The following THSD7B variants were observed in gnomAD, a reference collection of about 807,000 sequenced individuals.
THSD7B encodes thrombospondin type-1 domain-containing protein 7B.
A neutral mutation model predicts 213.6 loss-of-function variants in THSD7B; 138 were observed. The observed-to-expected ratio is 0.65, with a 90% CI of 0.56 to 0.74. The LOEUF (loss-of-function observed/expected upper bound fraction) is 0.74. Ranked by LOEUF, THSD7B falls within the 30% of genes least tolerant of loss-of-function variation. The pLI, the probability that THSD7B is intolerant of heterozygous loss-of-function variation, is 0.00. For synonymous variants in THSD7B, 742 were observed against 687.0 expected (o/e 1.08, Z -1.25); for missense variants, 1,931 against 1,991.5 (o/e 0.97, Z 0.58).
At chr2:137,565,071 G>C (rs940595999) in intron 16 of THSD7B, among the ~76,000 whole-genome samples, 2 of 152,200 alleles carry the variant, frequency 1.3e-5, no homozygotes, top group Admixed American at 1.3e-4. Flanking sequence ...ACCATGTGAA[G>C]ACAGGGAGAA....
chr2:136,862,979 A>G (rs143476269), intron 1 of THSD7B, among the ~76,000 whole-genome samples: 264 of 152,244 alleles, frequency 1.7e-3, no homozygotes, highest in Non-Finnish European at 2.5e-3. Flanking sequence ...GACTCAACCT[A>G]TTGCTTACGC....
At chr2:137,554,957 C>A (rs942683590) in intron 15 of THSD7B, among the ~76,000 whole-genome samples, 4 of 152,322 alleles carry the variant, frequency 2.6e-5, no homozygotes, top group Middle Eastern at 3.4e-3. Context: ...GCTAGCACAG[C>A]AGTCTGAGAT....
chr2:137,439,223 C>T (rs1366043038), intron 14 of THSD7B, among the ~76,000 whole-genome samples: 2 of 152,042 alleles, frequency 1.3e-5, no homozygotes, highest in African/African-American at 4.8e-5. Context: ...TTTGATACAG[C>T]AGTTCTAGAA....
chr2:137,405,878 G>A (rs2105005302), intron 13 of THSD7B, 71 bp downstream of exon 13: 1 of 1,381,160 alleles, frequency 7.2e-7, no homozygotes, highest in Non-Finnish European at 9.7e-7. Context: ...TAGAATATGA[G>A]GTCCAAAGGA....
intron 1 of THSD7B, among the ~76,000 whole-genome samples, chr2:136,824,178 C>T (rs928438032): frequency 7.2e-5 from 11 of 151,974 alleles, no homozygotes; most frequent in African/African-American, 2.7e-4. Context: ...TGCTTTAGAC[C>T]AATGCTTTGT....
rs578078836 is a variant in THSD7B, at chr2:137,314,334, T to C, written c.2500+38308T>C. 2.0e-4 allele frequency among the ~76,000 whole-genome samples: 30 copies of C among 152,376 alleles called. No individual in the cohort carries two copies. The East Asian group carries it at 5.4e-3, about 27-fold the overall frequency. On this transcript the variant is annotated intron_variant, in intron 12 of 27. Transcript: ENST00000409968. ...GGCTTCTGCATTCTTCACGTAGTTC[T>C]TGAGCCTTGGTTTTCAGCTCCGTCA...
chr2:136,896,214 T>A lies in THSD7B; in HGVS notation c.139+13897T>A, dbSNP rs181849766. 7.0e-4 allele frequency among the ~76,000 whole-genome samples: 106 copies of A among 152,346 alleles called. 1 individual carries two copies. Among genetic ancestry groups the A allele is most frequent in the Non-Finnish European group, 1.1e-3 (74 of 68,024 alleles). On this transcript the variant is annotated intron_variant, in intron 2 of 27. Coordinates refer to ENST00000409968, the MANE Select transcript of THSD7B (RefSeq NM_001316349.2). Reference sequence around the variant, plus strand: ...GCCATCAGTGATATATGAGAGTCCCTGTTTCCCCACATTCTTGCTAATATT... The same window carrying A: ...GCCATCAGTGATATATGAGAGTCCCAGTTTCCCCACATTCTTGCTAATATT...
chr2:137,153,187 T>C (rs972323245), intron 5 of THSD7B, among the ~76,000 whole-genome samples: 4 of 152,198 alleles, frequency 2.6e-5, no homozygotes, highest in East Asian at 3.8e-4. Flanking sequence ...GATTTCTTTC[T>C]AAAATTATAT....
intron 3 of THSD7B, among the ~76,000 whole-genome samples, chr2:137,078,712 C>T (rs535587902): frequency 3.3e-5 from 5 of 151,860 alleles, no homozygotes; most frequent in Middle Eastern, 3.4e-3. Context: ...CATTTATTTT[C>T]GTGTGCCTGA....
chr2:137,062,989 A>G (rs1163728510), intron 3 of THSD7B, among the ~76,000 whole-genome samples: 1 of 151,878 alleles, frequency 6.6e-6, no homozygotes, highest in Non-Finnish European at 1.5e-5. Context: ...CTGTTGTTAG[A>G]TAATACATAT....
intron 2 of THSD7B, among the ~76,000 whole-genome samples, chr2:136,955,158 A>G (rs1245457805): frequency 6.6e-6 from 1 of 152,176 alleles, no homozygotes; most frequent in Middle Eastern, 3.2e-3. Flanking sequence ...CAGTTCGGGG[A>G]ACTCTGCTTT....
chr2:136,823,668 C>T (rs1682599611), intron 1 of THSD7B, among the ~76,000 whole-genome samples: 1 of 152,130 alleles, frequency 6.6e-6, no homozygotes. Context: ...ATTACTTGGG[C>T]AGCACTTTCT....
intron 12 of THSD7B, among the ~76,000 whole-genome samples, chr2:137,312,043 C>T (rs1282352484): frequency 1.3e-5 from 2 of 149,986 alleles, no homozygotes; most frequent in Non-Finnish European, 3.0e-5. Flanking sequence ...GGAGAATTCC[C>T]TCTTTTTCTG....
chr2:137,492,727 C>G lies in THSD7B; in HGVS notation c.3138+41704C>G, dbSNP rs187824440. The stretch of plus-strand genomic sequence containing the variant: ...GAATTAGATGATTTATCTAAAGCAC[C>G]ACACATAGTATTTGGCATAAATTAG... On this transcript the variant is annotated intron_variant, in intron 15 of 27. Transcript: ENST00000409968. Among the ~76,000 whole-genome samples, 97 of 152,180 alleles carry G rather than the reference C, an allele frequency of 6.4e-4. 1 individual carries two copies. Among genetic ancestry groups the G allele is most frequent in the African/African-American group, 2.0e-3 (85 of 41,510 alleles).
At position 136,969,524 on chromosome 2, in the gene THSD7B, C is replaced by T. The variant is rs78721198; in HGVS notation, c.140-86896C>T. Among the ~76,000 whole-genome samples, 78 of 152,256 alleles carry T rather than the reference C, an allele frequency of 5.1e-4. No homozygotes were observed. In the East Asian group the frequency reaches 0.014, roughly 28 times the overall value. On this transcript the variant is annotated intron_variant, in intron 2 of 27. Transcript: ENST00000409968. ...AATCTCGAAAATATTTTTTGAATGA[C>T]TTCATTAATCAATTCATCCTATGTA...
chr2:137,074,981 G>T (rs1347195938), intron 3 of THSD7B, among the ~76,000 whole-genome samples: 1 of 152,160 alleles, frequency 6.6e-6, no homozygotes, highest in Non-Finnish European at 1.5e-5. Flanking sequence ...GCTTCCCTTT[G>T]TGAGTAACCC....
At chr2:136,917,977 G>A (rs1684375323) in intron 2 of THSD7B, among the ~76,000 whole-genome samples, 2 of 152,162 alleles carry the variant, frequency 1.3e-5, no homozygotes, top group South Asian at 4.1e-4. Context: ...GTAACTAGTT[G>A]TAATCTGAGG....
intron 10 of THSD7B, among the ~76,000 whole-genome samples, chr2:137,266,024 G>A (rs1012784736): frequency 5.9e-5 from 9 of 152,170 alleles, no homozygotes; most frequent in African/African-American, 2.2e-4. Context: ...GCTCCTAGAT[G>A]TACAAAACAG....
At chr2:137,583,879 T>C (rs1001192726) in intron 17 of THSD7B, among the ~76,000 whole-genome samples, 1 of 152,196 alleles carries the variant, frequency 6.6e-6, no homozygotes, top group Non-Finnish European at 1.5e-5. Context: ...GTGAAGAAAG[T>C]CATTGGTAGC....
Sources: allele counts gnomAD v4.1 joint callset (sites outside exome capture counted in the v4.1 genomes callset), GRCh38; gene constraint gnomAD v4.1.1; transcripts MANE v1.5; gene names NCBI Gene and HGNC (gene_info 2026-07-23, HGNC 2026-07-21).